The following PTPRM variants were observed in gnomAD, a reference collection of about 807,000 sequenced individuals.
The protein encoded by PTPRM is receptor-type tyrosine-protein phosphatase mu.
A neutral mutation model predicts 186.7 loss-of-function variants in PTPRM; 47 were observed. The observed-to-expected ratio is 0.25, with a 90% CI of 0.20 to 0.32. The LOEUF is 0.32. PTPRM is among the 10% of genes least tolerant of loss of function. The probability of loss-of-function intolerance (pLI) is 1.00; values close to 1 mark genes in which losing one functional copy is unlikely to be tolerated. For missense variants in PTPRM, 1,494 were observed against 1,865.0 expected (o/e 0.80, Z 3.66); for synonymous variants, 668 against 674.9 (o/e 0.99, Z 0.16).
At chr18:7,794,067 C>G (rs976085975) in intron 2 of PTPRM, among the ~76,000 whole-genome samples, 4 of 152,172 alleles carry the variant, frequency 2.6e-5, no homozygotes, top group Non-Finnish European at 5.9e-5. Context: ...AAAATCATCT[C>G]CCTTCTGGCT....
intron 19 of PTPRM, among the ~76,000 whole-genome samples, chr18:8,285,579 C>A (rs1346506945): frequency 1.3e-5 from 2 of 152,208 alleles, no homozygotes; most frequent in Non-Finnish European, 2.9e-5. Flanking sequence ...TCTCTCTCAG[C>A]CAAAGAAGGG....
chr18:8,096,772 C>A (rs2091036815), intron 11 of PTPRM, among the ~76,000 whole-genome samples: 1 of 152,162 alleles, frequency 6.6e-6, no homozygotes, highest in African/African-American at 2.4e-5. Flanking sequence ...GGGCTGATAG[C>A]CTTTCTTGGA....
intron 22 of PTPRM, among the ~76,000 whole-genome samples, chr18:8,327,258 G>A (rs2095383104): frequency 6.6e-6 from 1 of 152,158 alleles, no homozygotes; most frequent in South Asian, 2.1e-4. Context: ...TCATCTTTGA[G>A]GATGCCAGGT....
At chr18:7,698,172 A>T (rs1484156073) in intron 1 of PTPRM, among the ~76,000 whole-genome samples, 3 of 152,186 alleles carry the variant, frequency 2.0e-5, no homozygotes, top group Non-Finnish European at 4.4e-5. Flanking sequence ...ACCAAACCCC[A>T]CATGTGGTCT....
chr18:7,719,807 A>G (rs1420643162), intron 1 of PTPRM, among the ~76,000 whole-genome samples: 1 of 152,218 alleles, frequency 6.6e-6, no homozygotes, highest in Admixed American at 6.5e-5. Context: ...AGGTGAAACT[A>G]CCTCTTTACA....
In PTPRM at chr18:8,292,084, G is replaced by A. The variant is rs1467363385; in HGVS notation, c.2755-4284G>A. Among the ~76,000 whole-genome samples the A allele has an allele frequency of 2.0e-5, 3 of 152,298 alleles. No homozygotes were observed. The East Asian group carries it at 5.8e-4, about 29-fold the overall frequency. The stretch of plus-strand genomic sequence containing the variant: ...GAATTGTTAGCCAGGAAAGCAACCA[G>A]GGGCACACAGTCTGAGAGATCGTAC... On this transcript the variant is annotated intron_variant, in intron 19 of 32. Coordinates refer to ENST00000580170, the MANE Select transcript of PTPRM (RefSeq NM_001105244.2).
intron 13 of PTPRM, among the ~76,000 whole-genome samples, chr18:8,127,344 A>G (rs1233790362): frequency 6.6e-6 from 1 of 151,318 alleles, no homozygotes; most frequent in Non-Finnish European, 1.5e-5. Context: ...GCCATATTTT[A>G]TATATCTTTA....
intron 2 of PTPRM, among the ~76,000 whole-genome samples, chr18:7,877,534 T>A (rs1012305822): frequency 6.6e-6 from 1 of 152,220 alleles, no homozygotes; most frequent in Non-Finnish European, 1.5e-5. Flanking sequence ...TTTTGACATA[T>A]ATCTATTCTA....
intron 19 of PTPRM, among the ~76,000 whole-genome samples, chr18:8,292,488 G>A (rs566212063): frequency 6.6e-6 from 1 of 152,236 alleles, no homozygotes; most frequent in East Asian, 1.9e-4. Context: ...ATAATTGAAG[G>A]AACACTTACG....
chr18:8,318,066 A>T (rs2148055293), intron 21 of PTPRM, among the ~76,000 whole-genome samples: 1 of 152,274 alleles, frequency 6.6e-6, no homozygotes, highest in South Asian at 2.1e-4. Context: ...GGGCAAAATG[A>T]TCTAACATGT....
chr18:7,891,245 C>T (rs988190321), intron 3 of PTPRM, among the ~76,000 whole-genome samples: 6 of 151,956 alleles, frequency 3.9e-5, no homozygotes, highest in Admixed American at 6.6e-5. Flanking sequence ...GTGGTCATGC[C>T]ACTGCACTCC....
At chr18:8,358,122 G>A (rs992414935) in intron 23 of PTPRM, among the ~76,000 whole-genome samples, 5 of 150,866 alleles carry the variant, frequency 3.3e-5, no homozygotes, top group African/African-American at 9.9e-5. Context: ...TTTGTTTAAG[G>A]CTAGCTATTC....
intron 1 of PTPRM, among the ~76,000 whole-genome samples, chr18:7,623,893 C>T (rs148911403): frequency 9.9e-5 from 15 of 152,260 alleles, no homozygotes; most frequent in African/African-American, 3.6e-4. Context: ...CTGGACCAAC[C>T]CCAGCTCTTT....
chr18:8,133,864 A>G (rs1357016950), intron 13 of PTPRM, among the ~76,000 whole-genome samples: 3 of 152,178 alleles, frequency 2.0e-5, no homozygotes, highest in African/African-American at 4.8e-5. Flanking sequence ...AGGAAGATCC[A>G]TACGGCTGCA....
At chr18:7,851,759 A>G (rs1477644910) in intron 2 of PTPRM, among the ~76,000 whole-genome samples, 1 of 152,198 alleles carries the variant, frequency 6.6e-6, no homozygotes, top group East Asian at 1.9e-4. Flanking sequence ...GCAGGGAATA[A>G]GGAGCGGTGG....
At chr18:7,965,405 G>C (rs1286384471) in intron 7 of PTPRM, among the ~76,000 whole-genome samples, 1 of 152,174 alleles carries the variant, frequency 6.6e-6, no homozygotes, top group Non-Finnish European at 1.5e-5. Flanking sequence ...TTTGCTTAGA[G>C]CTAGAAGGCT....
intron 21 of PTPRM, among the ~76,000 whole-genome samples, 197 bp downstream of exon 21, chr18:8,315,054 G>A (rs1187341016): frequency 1.3e-5 from 2 of 152,174 alleles, no homozygotes; most frequent in African/African-American, 4.8e-5. Flanking sequence ...CAATCTAAAA[G>A]CAAACACATG....
chr18:8,144,200 A>G (rs1183726491), intron 14 of PTPRM, among the ~76,000 whole-genome samples: 1 of 152,188 alleles, frequency 6.6e-6, no homozygotes, highest in South Asian at 2.1e-4. Context: ...GGCCTGTGTT[A>G]TATGTAGGCA....
chr18:7,718,235 A>G (rs1163014625), intron 1 of PTPRM, among the ~76,000 whole-genome samples: 1 of 152,178 alleles, frequency 6.6e-6, no homozygotes, highest in Non-Finnish European at 1.5e-5. Flanking sequence ...ACAATGAAAC[A>G]TAATAGAGAA....
Sources: allele counts gnomAD v4.1 joint callset (sites outside exome capture counted in the v4.1 genomes callset), GRCh38; gene constraint gnomAD v4.1.1; transcripts MANE v1.5; gene names NCBI Gene and HGNC (gene_info 2026-07-23, HGNC 2026-07-21).